Variants in NHEJ1 observed in about 807,000 individuals in gnomAD.
NHEJ1 encodes non-homologous end joining factor 1.
Under a neutral mutation model 39.4 loss-of-function variants are expected in NHEJ1, and 22 were observed. The observed-to-expected ratio is 0.56, with a 90% CI of 0.40 to 0.80. The LOEUF is 0.80. NHEJ1 is among the 30% of genes least tolerant of loss of function. The pLI is 0.00. For synonymous variants in NHEJ1, 154 were observed against 135.6 expected (o/e 1.14, Z -0.94); for missense variants, 329 against 357.1 (o/e 0.92, Z 0.63).
chr2:219,152,864 G>A (rs1464551813), intron 3 of NHEJ1, among the ~76,000 whole-genome samples: 7 of 150,866 alleles, frequency 4.6e-5, no homozygotes, highest in African/African-American at 1.2e-4. Context: ...GTGCAATGGC[G>A]CAATCTCAGC....
chr2:219,099,327 A>G (rs2077031878), intron 5 of NHEJ1, among the ~76,000 whole-genome samples: 2 of 152,170 alleles, frequency 1.3e-5, no homozygotes, highest in South Asian at 4.1e-4. Flanking sequence ...AGATGCCAGT[A>G]GCACTTCTCA....
Position 219,074,231 on chromosome 2 carries a change from C to G in NHEJ1, c.*2150G>C, listed in dbSNP as rs1360974756. 6.6e-6 allele frequency among the ~76,000 whole-genome samples: 1 copy of G among 152,160 alleles called. No homozygotes were observed. Among genetic ancestry groups the G allele is most frequent in the East Asian group, 1.9e-4 (1 of 5,200 alleles). On this transcript the variant is annotated 3_prime_UTR_variant, in exon 8 of 8. Transcript: ENST00000356853. ...AGTCACACATTCTTTTTGAGAACAT[C>G]AACAAAATTTTGCTCTTAAGATTTT... is the stretch of plus-strand genomic sequence containing the variant.
intron 5 of NHEJ1, among the ~76,000 whole-genome samples, chr2:219,087,303 T>TATA (rs1258640407): frequency 6.6e-6 from 1 of 151,738 alleles, no homozygotes; most frequent in African/African-American, 2.4e-5. Flanking sequence ...AAATCACAGC[T>TATA]ATAAGGCAGA....
At chr2:219,147,619 A>G (rs762489890) in intron 4 of NHEJ1, 38 bp downstream of exon 4, 12 of 1,613,934 alleles carry the variant, frequency 7.4e-6, no homozygotes, top group Non-Finnish European at 1.0e-5. Context: ...ACTATTTTTA[A>G]CACGCCCCAC....
At position 219,070,585 on chromosome 2, in the gene NHEJ1, C is replaced by T. The variant is rs1300725474; in HGVS notation, c.*5796G>A. Among the ~76,000 whole-genome samples, 6 of 152,246 alleles carry T rather than the reference C, an allele frequency of 3.9e-5. No individual in the cohort carries two copies. Among genetic ancestry groups the T allele is most frequent in the Non-Finnish European group, 8.8e-5 (6 of 68,046 alleles). ...CTCCTAGCCTCAAGCAATCCTCCCG[C>T]CTCAGCCTCCCAAAGTGCTGGGATT... On this transcript the variant is annotated 3_prime_UTR_variant, in exon 8 of 8. Coordinates refer to ENST00000356853, the MANE Select transcript of NHEJ1 (RefSeq NM_024782.3).
chr2:219,157,560 G>C lies in NHEJ1; in HGVS notation c.302C>G (p.Ala101Gly), dbSNP rs775654421. The C allele has an allele frequency of 2.5e-6, 4 of 1,614,074 alleles. No individual in the cohort carries two copies. Among genetic ancestry groups the C allele is most frequent in the Non-Finnish European group, 3.4e-6 (4 of 1,180,048 alleles). The change falls in exon 3 of 8, where the codon GCA becomes GGA. Residue 101 changes from alanine (A) to glycine (G), a missense_variant. By Grantham distance (60) the Ala-to-Gly change is moderately conservative (BLOSUM62 0). Coordinates refer to ENST00000356853, the MANE Select transcript of NHEJ1 (RefSeq NM_024782.3). ...SEATFSCDCV[A>G]DALILRVRSE... ...TCGCACCCGTAGAATCAGTGCATCTGCCACACAATCACAGGAGAAGGTAGC... is the reference window on the plus strand; with the variant it reads ...TCGCACCCGTAGAATCAGTGCATCTCCCACACAATCACAGGAGAAGGTAGC...
chr2:219,077,412 T>TGGTAAGAAG, intron 6 of NHEJ1, 48 bp from the exon 7 acceptor site: 3 of 1,366,226 alleles, frequency 2.2e-6, no homozygotes, highest in Non-Finnish European at 3.1e-6. Context: ...GCCTTCTTCT[T>TGGTAAGAAG]ACCAGGAAGA....
chr2:219,104,320 T>C (rs1949294679), intron 5 of NHEJ1, among the ~76,000 whole-genome samples: 2 of 152,316 alleles, frequency 1.3e-5, no homozygotes, highest in South Asian at 4.1e-4. Context: ...TGTCCCCTAG[T>C]GGTTGAGAAC....
intron 5 of NHEJ1, among the ~76,000 whole-genome samples, chr2:219,093,733 G>A (rs528542768): frequency 6.8e-6 from 1 of 146,094 alleles, no homozygotes; most frequent in South Asian, 2.1e-4. Context: ...TGGGTATATA[G>A]TGTTTGCTTT....
intron 5 of NHEJ1, among the ~76,000 whole-genome samples, chr2:219,107,769 C>T (rs1949327143): frequency 6.6e-6 from 1 of 152,110 alleles, no homozygotes; most frequent in Non-Finnish European, 1.5e-5. Flanking sequence ...ATTCTCACTC[C>T]CAGAGTCCAT....
At chr2:219,095,049 CA>C (rs1370917275) in intron 5 of NHEJ1, among the ~76,000 whole-genome samples, 1 of 152,172 alleles carries the variant, frequency 6.6e-6, no homozygotes, top group African/African-American at 2.4e-5. Context: ...GGCCACTAGC[CA>C]GAGTAGAAGA....
intron 5 of NHEJ1, among the ~76,000 whole-genome samples, chr2:219,093,578 A>G (rs1023090827): frequency 2.6e-5 from 4 of 151,752 alleles, no homozygotes; most frequent in African/African-American, 9.7e-5. Flanking sequence ...TTCTGTGGAG[A>G]AGGGAACAGA....
Position 219,076,257 on chromosome 2 carries a change from C to T in NHEJ1, c.*124G>A. The T allele has an allele frequency of 1.3e-6, 2 of 1,574,310 alleles. No individual in the cohort carries two copies. Among genetic ancestry groups the T allele is most frequent in the Non-Finnish European group, 8.6e-7 (1 of 1,159,776 alleles). On this transcript the variant is annotated 3_prime_UTR_variant, in exon 8 of 8. Coordinates refer to ENST00000356853, the MANE Select transcript of NHEJ1 (RefSeq NM_024782.3). ...GTCAACATCAACTTCAGTTCTCTCG[C>T]CCTTACAGGAGGCCTCTGACTGTAT...
chr2:219,125,267 T>G (rs895258808), intron 5 of NHEJ1, among the ~76,000 whole-genome samples: 1 of 152,128 alleles, frequency 6.6e-6, no homozygotes, highest in African/African-American at 2.4e-5. Flanking sequence ...CAACCCATAT[T>G]ACGCATAAAA....
intron 5 of NHEJ1, among the ~76,000 whole-genome samples, chr2:219,081,864 A>C (rs1949070175): frequency 1.3e-5 from 2 of 152,248 alleles, no homozygotes; most frequent in South Asian, 2.1e-4. Context: ...AAGTAAGTGA[A>C]GCATAAAGGT....
intron 5 of NHEJ1, among the ~76,000 whole-genome samples, chr2:219,112,190 G>C (rs1203276352): frequency 1.3e-5 from 2 of 152,202 alleles, no homozygotes; most frequent in South Asian, 4.1e-4. Flanking sequence ...GTCAAAGCAA[G>C]AGTCATAAGG....
At chr2:219,082,188 C>G (rs139247380) in intron 5 of NHEJ1, among the ~76,000 whole-genome samples, 1 of 152,300 alleles carries the variant, frequency 6.6e-6, no homozygotes, top group Admixed American at 6.5e-5. Context: ...TTTTCAACAG[C>G]CACAAGAGCT....
chr2:219,154,295 G>A (rs1949827472), intron 3 of NHEJ1, among the ~76,000 whole-genome samples: 1 of 152,068 alleles, frequency 6.6e-6, no homozygotes, highest in South Asian at 2.1e-4. Flanking sequence ...TATATATTTG[G>A]TCGTATGAAG....
chr2:219,087,648 G>A (rs1024258151), intron 5 of NHEJ1, among the ~76,000 whole-genome samples: 3 of 152,026 alleles, frequency 2.0e-5, no homozygotes, highest in Non-Finnish European at 4.4e-5. Flanking sequence ...ACTCTATAGG[G>A]TGACGCACCA....
Sources: allele counts gnomAD v4.1 joint callset (sites outside exome capture counted in the v4.1 genomes callset), GRCh38; gene constraint gnomAD v4.1.1; transcripts MANE v1.5; gene names NCBI Gene and HGNC (gene_info 2026-07-23, HGNC 2026-07-21).